Variants in LNPK observed in about 807,000 individuals in gnomAD.
LNPK encodes the protein endoplasmic reticulum junction formation protein lunapark.
Under a neutral mutation model 55.2 loss-of-function variants are expected in LNPK, and 29 were observed. The observed-to-expected ratio is 0.53, with a 90% CI of 0.39 to 0.72. LNPK has a LOEUF of 0.72. LNPK is among the 30% of genes least tolerant of loss of function. The pLI, the probability that LNPK is intolerant of heterozygous loss-of-function variation, is 0.00. For synonymous variants in LNPK, 162 were observed against 168.2 expected (o/e 0.96, Z 0.29); for missense variants, 467 against 494.8 (o/e 0.94, Z 0.53).
chr2:175,940,044 T>G (rs1216449481), intron 9 of LNPK, among the ~76,000 whole-genome samples: 1 of 152,082 alleles, frequency 6.6e-6, no homozygotes, highest in Non-Finnish European at 1.5e-5. Context: ...GAGTCAGATT[T>G]AACGTCCCAC....
chr2:175,974,925 G>A (rs1686837819), intron 5 of LNPK, among the ~76,000 whole-genome samples: 1 of 150,774 alleles, frequency 6.6e-6, no homozygotes, highest in Non-Finnish European at 1.5e-5. Flanking sequence ...GTCCAGATCT[G>A]CCTATTTATT....
intron 1 of LNPK, 141 bp downstream of exon 1, chr2:176,002,019 A>T (rs1406499169): frequency 3.4e-6 from 1 of 292,940 alleles, no homozygotes; most frequent in Non-Finnish European, 6.7e-6. Flanking sequence ...CAGCCGCCGC[A>T]GAGCTCTAGG....
At chr2:176,000,206 A>G (rs145694301) in intron 1 of LNPK, among the ~76,000 whole-genome samples, 1 of 152,378 alleles carries the variant, frequency 6.6e-6, no homozygotes, top group East Asian at 1.9e-4. Context: ...TCCAAGACAC[A>G]TTAAAATAAT....
At chr2:175,965,836 G>C (rs980852401) in intron 6 of LNPK, among the ~76,000 whole-genome samples, 3 of 151,914 alleles carry the variant, frequency 2.0e-5, no homozygotes, top group African/African-American at 7.3e-5. Flanking sequence ...TAGAAAGAGG[G>C]CATAATAAAA....
At chr2:175,956,277 T>TGAAA (rs1685689510) in intron 8 of LNPK, among the ~76,000 whole-genome samples, 1 of 59,922 alleles carries the variant, frequency 1.7e-5, no homozygotes, top group Non-Finnish European at 3.7e-5. Flanking sequence ...GACCATGTAT[T>TGAAA]CAAAAAAAAA....
intron 1 of LNPK, among the ~76,000 whole-genome samples, chr2:175,998,584 T>C (rs927245139): frequency 6.6e-6 from 1 of 152,208 alleles, no homozygotes; most frequent in African/African-American, 2.4e-5. Flanking sequence ...TTGTATAGAT[T>C]AGATTTGAAT....
chr2:175,958,528 A>C (rs1394319965), intron 8 of LNPK, among the ~76,000 whole-genome samples: 1 of 151,720 alleles, frequency 6.6e-6, no homozygotes, highest in Non-Finnish European at 1.5e-5. Context: ...TATCAACATC[A>C]ACAAAAAGGA....
chr2:175,995,804 CTTTTTT>C (rs10674444), intron 1 of LNPK, among the ~76,000 whole-genome samples, 158 bp from the exon 2 acceptor site: 8 of 66,422 alleles, frequency 1.2e-4, no homozygotes, highest in Admixed American at 5.6e-4. Flanking sequence ...TAGAGTCTAC[CTTTTTT>C]TTTTTTTTTT....
Position 175,929,064 on chromosome 2 carries a change from C to G in LNPK, c.*903G>C. ...TTCCTCCTAAGATTTTTCAGGTAGC[C>G]AAGTCACCCACCAAGATACTGTTTG... On this transcript the variant is annotated 3_prime_UTR_variant, in exon 13 of 13. Coordinates refer to ENST00000272748, the MANE Select transcript of LNPK (RefSeq NM_030650.3). 1 of 977,274 alleles carries G rather than the reference C, an allele frequency of 1.0e-6. No homozygotes were observed. Among genetic ancestry groups the G allele is most frequent in the Non-Finnish European group, 1.2e-6 (1 of 822,402 alleles). 60.5% of individuals were successfully genotyped at this position (977,274 alleles called of 1,614,324 possible). A position where few individuals can be genotyped will look rare whatever the true frequency, so the allele number is the denominator to read the frequency against.
In LNPK at chr2:175,927,908, C is replaced by A. The variant is rs1684082063; in HGVS notation, c.*2059G>T. On this transcript the variant is annotated 3_prime_UTR_variant, in exon 13 of 13. Transcript: ENST00000272748. Reference sequence around the variant, plus strand: ...CTCCATATTTCTTTCAAAGATATTTCTCATACTATCTGTTTGAGTCTATCA... The same window carrying A: ...CTCCATATTTCTTTCAAAGATATTTATCATACTATCTGTTTGAGTCTATCA... 6.6e-6 allele frequency: 1 copy of A among 152,006 alleles called. No individual in the cohort carries two copies. The allele number at this position is 152,006 out of a possible 1,614,324, so 9.4% of individuals were successfully genotyped here.
At chr2:175,941,819 AGAAGAGAGAGAG>A (rs1684859857) in intron 9 of LNPK, among the ~76,000 whole-genome samples, 1 of 148,276 alleles carries the variant, frequency 6.7e-6, no homozygotes, top group African/African-American at 2.5e-5. Context: ...AAAAAGAAAA[AGAAGAGAGAGAG>A]AAATCTTAAA....
At chr2:175,991,019 A>C (rs979982786) in intron 4 of LNPK, among the ~76,000 whole-genome samples, 2 of 152,182 alleles carry the variant, frequency 1.3e-5, no homozygotes, top group African/African-American at 2.4e-5. Flanking sequence ...TTTGCCCCCC[A>C]AAAAACTGTT....
rs763148256 is a variant in LNPK, at chr2:175,939,577, A to C, written c.787T>G (p.Leu263Val). ...CTGTTTTGTGGACCATCACCAACCAAATATTCAACAATTCTATCCAAAGCA... is the reference window on the plus strand; with the variant it reads ...CTGTTTTGTGGACCATCACCAACCACATATTCAACAATTCTATCCAAAGCA... ...RGALDRIVEY[L>V]VGDGPQNRYA... Residue 263 changes from leucine (L) to valine (V), a missense_variant, in exon 10 of 13, where the codon TTG (leucine) becomes GTG (valine). By Grantham distance (32) the Leu-to-Val change is conservative (BLOSUM62 1). Transcript: ENST00000272748. 1 of 1,599,088 alleles carries C rather than the reference A, an allele frequency of 6.3e-7. No homozygotes were observed. The highest frequency in any genetic ancestry group is 1.1e-5 in the South Asian group (1 of 90,016).
At chr2:175,951,373 C>T (rs1054297228) in intron 8 of LNPK, among the ~76,000 whole-genome samples, 2 of 151,660 alleles carry the variant, frequency 1.3e-5, no homozygotes, top group Non-Finnish European at 2.9e-5. Context: ...ATCCCCTTCC[C>T]GCCCTTTCCC....
chr2:175,994,259 T>C (rs1687833804), intron 2 of LNPK: 2 of 973,080 alleles, frequency 2.1e-6, no homozygotes, highest in South Asian at 9.5e-5. Context: ...AGTTGAATAC[T>C]GGCAATTTCA....
At chr2:175,971,377 G>C (rs1686655409) in intron 5 of LNPK, among the ~76,000 whole-genome samples, 1 of 152,058 alleles carries the variant, frequency 6.6e-6, no homozygotes, top group East Asian at 1.9e-4. Flanking sequence ...TGGCATGGTG[G>C]AACAGAAAGA....
chr2:175,982,457 G>C (rs537573313), intron 4 of LNPK, among the ~76,000 whole-genome samples: 1 of 152,126 alleles, frequency 6.6e-6, no homozygotes, highest in East Asian at 1.9e-4. Context: ...GATAACATAA[G>C]CTATCAAACA....
At chr2:175,990,642 T>C (rs1485932629) in intron 4 of LNPK, among the ~76,000 whole-genome samples, 1 of 152,216 alleles carries the variant, frequency 6.6e-6, no homozygotes, top group African/African-American at 2.4e-5. Flanking sequence ...AAGTCTTCTT[T>C]CTTTTTACCA....
chr2:175,950,031 G>T (rs1193427401), intron 8 of LNPK, among the ~76,000 whole-genome samples: 2 of 151,856 alleles, frequency 1.3e-5, no homozygotes, highest in Non-Finnish European at 2.9e-5. Flanking sequence ...TGCCTTAAAC[G>T]TAAGATACAA....
Sources: gnomAD v4.1 joint callset for allele counts (sites outside exome capture counted in the v4.1 genomes callset) on GRCh38, gnomAD v4.1.1 for gene constraint, MANE v1.5 for transcripts, NCBI Gene and HGNC (gene_info 2026-07-23, HGNC 2026-07-21) for gene names.